Variants in EDA observed in about 807,000 individuals in gnomAD.
EDA encodes ectodysplasin-A.
In EDA, 2 loss-of-function variants were observed where a neutral mutation model predicts 23.6. The observed-to-expected ratio is 0.08, with a 90% CI of 0.03 to 0.27. The LOEUF is 0.27. EDA is among the 10% of genes least tolerant of loss of function. EDA has a pLI of 1.00. For synonymous variants in EDA, 131 were observed against 132.0 expected, an observed-to-expected ratio of 0.99 and a Z score of 0.05; for missense variants, 229 against 324.2, an observed-to-expected ratio of 0.71 and a Z score of 2.26.
Position 69,780,795 on chromosome X carries a change from C to T in EDA, c.396+164091C>T, listed in dbSNP as rs755133581. Reference sequence around the variant, plus strand: ...TCCTTCCACCAAGACTGTAAGTTTCCTGAGGCCTCCCTAGCCATGTCTCCC... The same window carrying T: ...TCCTTCCACCAAGACTGTAAGTTTCTTGAGGCCTCCCTAGCCATGTCTCCC... On this transcript the variant is annotated intron_variant, in intron 1 of 7. Transcript: ENST00000374552. Among the ~76,000 whole-genome samples the T allele has an allele frequency of 2.7e-5, 3 of 110,810 alleles. No individual in the cohort carries two copies. The South Asian group carries it at 1.2e-3, about 44-fold the overall frequency.
intron 1 of EDA, 119 bp from the exon 2 acceptor site, chrX:69,956,908 C>G (rs1358423244): frequency 1.7e-6 from 1 of 591,894 alleles, no homozygotes; most frequent in Non-Finnish European, 2.9e-6. Context: ...AAGATGGGCT[C>G]AGGCTTTAGA....
intron 1 of EDA, among the ~76,000 whole-genome samples, chrX:69,819,274 C>G (rs1165511769): frequency 2.7e-5 from 3 of 112,123 alleles, no homozygotes; most frequent in East Asian, 5.6e-4. Flanking sequence ...ACTGAATGGG[C>G]AAATGCTGGA....
chrX:69,714,752 A>G (rs969612216), intron 1 of EDA, among the ~76,000 whole-genome samples: 1 of 110,950 alleles, frequency 9.0e-6, no homozygotes, highest in Non-Finnish European at 1.9e-5. Context: ...CTGTATGTCT[A>G]CCCTCCACTA....
chrX:69,662,423 C>T (rs760013415), intron 1 of EDA, among the ~76,000 whole-genome samples: 1 of 112,004 alleles, frequency 8.9e-6, no homozygotes, highest in Admixed American at 9.5e-5. Flanking sequence ...CTCTTGCCTG[C>T]TGCAATGTAA....
rs1341472368 is a variant in EDA, at chrX:70,037,599, C to CAGCCAG, written c.*1991_*1996dup. 2.7e-5 allele frequency: 3 copies of CAGCCAG among 111,897 alleles called. No homozygotes were observed. The highest frequency in any genetic ancestry group is 3.8e-4 in the South Asian group (1 of 2,658). 9.2% of individuals were successfully genotyped at this position (111,897 alleles called of 1,213,427 possible). A position where few individuals can be genotyped will look rare whatever the true frequency, so the allele number is the denominator to read the frequency against. On this transcript the variant is annotated 3_prime_UTR_variant, in exon 8 of 8. Coordinates refer to ENST00000374552, the MANE Select transcript of EDA (RefSeq NM_001399.5). Reference sequence around the variant, plus strand: ...AGTTTAAGCCGCAGACCTGGAGCTTCAGCCAGGTCTGACTCCAAAGCTGTT... The same window carrying CAGCCAG: ...AGTTTAAGCCGCAGACCTGGAGCTTCAGCCAGAGCCAGGTCTGACTCCAAAGCTGTT...
chrX:69,630,996 T>C (rs1290559727), intron 1 of EDA, among the ~76,000 whole-genome samples: 1 of 111,572 alleles, frequency 9.0e-6, no homozygotes, highest in African/African-American at 3.3e-5. Context: ...TCTGGCTCTC[T>C]GTTTACTTAT....
chrX:69,882,249 G>A (rs188630729), intron 1 of EDA, among the ~76,000 whole-genome samples: 14 of 111,689 alleles, frequency 1.3e-4, no homozygotes, highest in Non-Finnish European at 2.4e-4. Context: ...AGGATTCCAT[G>A]GAGTTATAAA....
At position 69,852,477 on chromosome X, in the gene EDA, T is replaced by C. The variant is rs765620057; in HGVS notation, c.397-104550T>C. Among the ~76,000 whole-genome samples the C allele has an allele frequency of 4.5e-5, 5 of 111,812 alleles. No homozygotes were observed. The South Asian group carries it at 1.5e-3, about 34-fold the overall frequency. On this transcript the variant is annotated intron_variant, in intron 1 of 7. Coordinates refer to ENST00000374552, the MANE Select transcript of EDA (RefSeq NM_001399.5). ...TCTAAAAGCTACAAATAATCAGACATCACAAATACAGAGCAGTAAACTAGG... is the reference window on the plus strand; with the variant it reads ...TCTAAAAGCTACAAATAATCAGACACCACAAATACAGAGCAGTAAACTAGG...
intron 2 of EDA, among the ~76,000 whole-genome samples, chrX:70,017,048 C>CAAAAAA (rs201606796): frequency 9.8e-6 from 1 of 102,353 alleles, no homozygotes; most frequent in African/African-American, 3.5e-5. Context: ...AACAGAAATG[C>CAAAAAA]AAAAAAAAAA....
At chrX:70,015,529 C>T (rs189587079) in intron 2 of EDA, among the ~76,000 whole-genome samples, 10 of 111,445 alleles carry the variant, frequency 9.0e-5, no homozygotes, top group Admixed American at 3.8e-4. Flanking sequence ...GCCGAGATCA[C>T]GCCTTTGCAC....
intron 1 of EDA, among the ~76,000 whole-genome samples, chrX:69,627,181 A>C (rs997434664): frequency 1.8e-5 from 2 of 111,632 alleles, no homozygotes; most frequent in East Asian, 5.6e-4. Flanking sequence ...CTCAGGGTGC[A>C]TGTGGGACCC....
At chrX:69,784,926 A>G (rs1434973721) in intron 1 of EDA, among the ~76,000 whole-genome samples, 1 of 111,350 alleles carries the variant, frequency 9.0e-6, no homozygotes, top group Admixed American at 9.6e-5. Flanking sequence ...ACCCATGAGC[A>G]TGGAATGTTC....
Position 70,039,002 on chromosome X carries a change from G to C in EDA, c.*3393G>C, listed in dbSNP as rs1331215558. On this transcript the variant is annotated 3_prime_UTR_variant, in exon 8 of 8. Coordinates refer to ENST00000374552, the MANE Select transcript of EDA (RefSeq NM_001399.5). ...GCTGGAAGTACTTGGCCCCCTTCAG[G>C]AGCCTGGCCAGGCAGGGAGAGAGTA... The C allele has an allele frequency of 8.9e-6, 1 of 111,750 alleles. No homozygotes were observed. Among genetic ancestry groups the C allele is most frequent in the Non-Finnish European group, 1.9e-5 (1 of 53,114 alleles). 9.2% of individuals were successfully genotyped at this position (111,750 alleles called of 1,213,427 possible).
intron 1 of EDA, among the ~76,000 whole-genome samples, chrX:69,710,164 G>A (rs79489981): frequency 0.33 from 35,843 of 108,804 alleles, 5,197 homozygotes; most frequent in Middle Eastern, 0.56. Flanking sequence ...ATCTTGAATT[G>A]ATTTTTGTAT....
At chrX:69,872,209 G>A (rs1463651340) in intron 1 of EDA, among the ~76,000 whole-genome samples, 2 of 111,629 alleles carry the variant, frequency 1.8e-5, no homozygotes, top group African/African-American at 6.5e-5. Context: ...GAGAGAATTT[G>A]CCATAACCAA....
intron 1 of EDA, among the ~76,000 whole-genome samples, chrX:69,752,091 T>C (rs760734782): frequency 2.7e-5 from 3 of 111,411 alleles, no homozygotes; most frequent in East Asian, 5.7e-4. Context: ...CTGATTGCCC[T>C]GGCCAGAACT....
chrX:69,753,532 G>T (rs1445310221), intron 1 of EDA, among the ~76,000 whole-genome samples: 1 of 112,127 alleles, frequency 8.9e-6, no homozygotes, highest in African/African-American at 3.2e-5. Flanking sequence ...GCAATGTGGT[G>T]CTGAGAAGAA....
intron 1 of EDA, among the ~76,000 whole-genome samples, chrX:69,773,913 T>C (rs1158622291): frequency 8.9e-6 from 1 of 112,047 alleles, no homozygotes; most frequent in Non-Finnish European, 1.9e-5. Flanking sequence ...GGGTGCTGGA[T>C]ATTTTTTTAT....
At chrX:69,654,783 A>T (rs1325136421) in intron 1 of EDA, among the ~76,000 whole-genome samples, 6 of 74,870 alleles carry the variant, frequency 8.0e-5, no homozygotes, top group Admixed American at 1.9e-4. Context: ...AACATCACAC[A>T]CCGGGGACTG....
Sources: allele counts gnomAD v4.1 joint callset (sites outside exome capture counted in the v4.1 genomes callset), GRCh38; gene constraint gnomAD v4.1.1; transcripts MANE v1.5; gene names NCBI Gene and HGNC (gene_info 2026-07-23, HGNC 2026-07-21).